Variants in HSPA4L observed in about 807,000 individuals in gnomAD.
The protein encoded by HSPA4L is heat shock protein family A (Hsp70) member 4 like, also known as heat shock 70 kDa protein 4L.
HSPA4L carries 48 observed loss-of-function variants against 100.3 expected under a neutral mutation model. The observed-to-expected ratio is 0.48, with a 90% CI of 0.38 to 0.61. The LOEUF is 0.61. Among genes scored for constraint, HSPA4L ranks in the 20% least tolerant of loss-of-function variants. The pLI, the probability that HSPA4L is intolerant of heterozygous loss-of-function variation, is 0.00. For missense variants in HSPA4L, 886 were observed against 988.6 expected, an observed-to-expected ratio of 0.90 and a Z score of 1.39; for synonymous variants, 319 against 328.2, an observed-to-expected ratio of 0.97 and a Z score of 0.30.
intron 1 of HSPA4L, among the ~76,000 whole-genome samples, chr4:127,782,978 T>C (rs1038007138): frequency 4.6e-5 from 7 of 152,186 alleles, no homozygotes; most frequent in African/African-American, 1.7e-4. Context: ...GAGGTTGCTG[T>C]GGGACAGCCC....
In HSPA4L at chr4:127,783,451, A is replaced by C. The variant is rs944853496; in HGVS notation, c.107+794A>C. The C allele has an allele frequency of 2.2e-6, 3 of 1,369,652 alleles. No homozygotes were observed. In the African/African-American group the frequency reaches 4.4e-5, roughly 20 times the overall value. 84.8% of individuals were successfully genotyped at this position (1,369,652 alleles called of 1,614,324 possible). On this transcript the variant is annotated intron_variant, in intron 1 of 18. Coordinates refer to ENST00000296464, the MANE Select transcript of HSPA4L (RefSeq NM_014278.4). ...CTGTCCCGTATAAACATGACTGTGG[A>C]GTGATTCTATTATGAACGCTTAATG...
rs1433708988 is a variant in HSPA4L at position 127,795,750 on chromosome 4, A to G, written c.166-18A>G. On this transcript the variant is annotated intron_variant, in intron 2 of 18. Coordinates refer to ENST00000296464, the MANE Select transcript of HSPA4L (RefSeq NM_014278.4). ...ATTTATTAGGTAACTGATAAATACA[A>G]GTGTTTACTGCCAACAGATAGTCAC... 22 of 1,612,040 alleles carry G rather than the reference A, an allele frequency of 1.4e-5. No individual in the cohort carries two copies. Among genetic ancestry groups the G allele is most frequent in the Non-Finnish European group, 1.8e-5 (21 of 1,178,732 alleles).
rs760336391 is a variant in HSPA4L at position 127,801,847 on chromosome 4, G to C, written c.592G>C (p.Val198Leu). Residue 198 changes from valine to leucine, a missense_variant, in exon 6 of 19, where the codon GTA becomes CTA. By Grantham distance (32) the Val-to-Leu change is conservative (BLOSUM62 1). Transcript: ENST00000296464. Reference sequence around the variant, plus strand: ...CCCATTAGATGAGAAACCAAGAAATGTAGTATTTATTGATATGGGACATTC... The same window carrying C: ...CCCATTAGATGAGAAACCAAGAAATCTAGTATTTATTGATATGGGACATTC... ...LPPLDEKPRNVVFIDMGHSAY... is the reference protein window; with the variant it reads ...LPPLDEKPRNLVFIDMGHSAY... The C allele has an allele frequency of 6.2e-7, 1 of 1,609,534 alleles. No homozygotes were observed. Among genetic ancestry groups the C allele is most frequent in the South Asian group, 1.1e-5 (1 of 90,576 alleles).
At chr4:127,788,264 G>A (rs1732773246) in intron 1 of HSPA4L, among the ~76,000 whole-genome samples, 1 of 151,972 alleles carries the variant, frequency 6.6e-6, no homozygotes, top group Admixed American at 6.5e-5. Context: ...AATTATTATT[G>A]TTTATATATT....
At chr4:127,826,143 ACACCTGTAATGTTGG>A (rs2148799088) in intron 16 of HSPA4L, among the ~76,000 whole-genome samples, 1 of 152,202 alleles carries the variant, frequency 6.6e-6, no homozygotes, top group Admixed American at 6.5e-5. Context: ...GCAGTGAATC[ACACCTGTAATGTTGG>A]CACTTTGAGT....
At chr4:127,801,643 C>G in intron 5 of HSPA4L, 142 bp from the exon 6 acceptor site, 1 of 610,730 alleles carries the variant, frequency 1.6e-6, no homozygotes, top group Non-Finnish European at 2.6e-6. Context: ...CATTATTAAC[C>G]GAATTGTGAA....
rs1733334559 is a variant in HSPA4L, at chr4:127,805,689, T to G, written c.1140T>G (p.Cys380Trp). The change falls in exon 10 of 19, where the codon TGT (cysteine) becomes TGG (tryptophan). Residue 380 changes from cysteine (C) to tryptophan (W), a missense_variant and splice_region_variant. Cys to Trp is a radical substitution (Grantham distance 215, BLOSUM62 -2). Coordinates refer to ENST00000296464, the MANE Select transcript of HSPA4L (RefSeq NM_014278.4). The stretch of plus-strand genomic sequence containing the variant: ...TATGGTATACATCTTATTTTCAGTG[T>G]GCGATTCTCTCACCAGCATTTAAAG... Reference protein sequence around the residue: ...EAVARGCALQCAILSPAFKVR... With the variant: ...EAVARGCALQWAILSPAFKVR... The G allele has an allele frequency of 6.2e-7, 1 of 1,607,284 alleles. No individual in the cohort carries two copies. Among genetic ancestry groups the G allele is most frequent in the South Asian group, 1.1e-5 (1 of 90,714 alleles).
At chr4:127,823,735 A>G in intron 16 of HSPA4L, 111 bp downstream of exon 16, 1 of 635,820 alleles carries the variant, frequency 1.6e-6, no homozygotes, top group Non-Finnish European at 2.7e-6. Context: ...ATTGAGAGGA[A>G]AATTGTATAT....
At chr4:127,832,463 ATTGT>A (rs977544725) in intron 18 of HSPA4L, among the ~76,000 whole-genome samples, 10 of 152,222 alleles carry the variant, frequency 6.6e-5, no homozygotes, top group African/African-American at 2.4e-4. Context: ...ACAAAAAATA[ATTGT>A]TTAAGATTCA....
rs769753070 is a variant in HSPA4L at position 127,812,408 on chromosome 4, C to CAAA, written c.1578+782_1578+784dup. 6.4e-5 allele frequency among the ~76,000 whole-genome samples: 4 copies of CAAA among 62,856 alleles called. No individual in the cohort carries two copies. In the East Asian group the frequency reaches 1.3e-3, roughly 20 times the overall value. 41.2% of individuals were successfully genotyped at this position (62,856 alleles called of 152,430 possible). On this transcript the variant is annotated intron_variant, in intron 12 of 18. Coordinates refer to ENST00000296464, the MANE Select transcript of HSPA4L (RefSeq NM_014278.4). The stretch of plus-strand genomic sequence containing the variant: ...TGGGTGATAGAGCGAGACTCCATCT[C>CAAA]AAAAAAAAAAAACAAAAAAAAAAAC...
Position 127,795,925 on chromosome 4 carries a change from C to T in HSPA4L, c.306+17C>T, listed in dbSNP as rs1474220725. 2.5e-6 allele frequency: 4 copies of T among 1,610,442 alleles called. No homozygotes were observed. Among genetic ancestry groups the T allele is most frequent in the South Asian group, 1.1e-5 (1 of 90,680 alleles). Reference sequence around the variant, plus strand: ...GGAGTTAAGGTAAGCTTTATATTCCCAGGGTTACAAACATATCTTCAAATT... The same window carrying T: ...GGAGTTAAGGTAAGCTTTATATTCCTAGGGTTACAAACATATCTTCAAATT... On this transcript the variant is annotated intron_variant, in intron 3 of 18. Coordinates refer to ENST00000296464, the MANE Select transcript of HSPA4L (RefSeq NM_014278.4).
At chr4:127,825,118 C>A (rs1469150719) in intron 16 of HSPA4L, among the ~76,000 whole-genome samples, 8 of 148,678 alleles carry the variant, frequency 5.4e-5, no homozygotes, top group Non-Finnish European at 1.2e-4. Flanking sequence ...CCAGCCTGGG[C>A]GACAGAATGA....
At chr4:127,797,255 T>C (rs930674991) in intron 3 of HSPA4L, among the ~76,000 whole-genome samples, 2 of 152,216 alleles carry the variant, frequency 1.3e-5, no homozygotes, top group Admixed American at 6.5e-5. Flanking sequence ...CTTTTAGATA[T>C]GATAAGCTCT....
At chr4:127,824,007 A>G (rs1733882066) in intron 16 of HSPA4L, among the ~76,000 whole-genome samples, 1 of 152,312 alleles carries the variant, frequency 6.6e-6, no homozygotes, top group Non-Finnish European at 1.5e-5. Context: ...GTAGCTCTCC[A>G]TCATACCATC....
chr4:127,787,464 A>G (rs137995681), intron 1 of HSPA4L, among the ~76,000 whole-genome samples: 104 of 152,314 alleles, frequency 6.8e-4, no homozygotes, highest in African/African-American at 2.2e-3. Flanking sequence ...TCCCAACCAC[A>G]TCCTAAAGTT....
intron 12 of HSPA4L, chr4:127,813,444 G>T: frequency 2.7e-6 from 1 of 366,082 alleles, no homozygotes; most frequent in Non-Finnish European, 4.9e-6. Flanking sequence ...TTTGAATTGA[G>T]GAAGAGGAAA....
At chr4:127,807,002 T>C (rs1362453256) in intron 10 of HSPA4L, among the ~76,000 whole-genome samples, 1 of 151,978 alleles carries the variant, frequency 6.6e-6, no homozygotes, top group Non-Finnish European at 1.5e-5. Context: ...TCTATAAAAT[T>C]TAATTTCAGT....
intron 4 of HSPA4L, among the ~76,000 whole-genome samples, chr4:127,800,664 C>T (rs927698922): frequency 6.6e-6 from 1 of 151,840 alleles, no homozygotes; most frequent in Non-Finnish European, 1.5e-5. Context: ...TATATACGCA[C>T]GATAATGAAG....
chr4:127,827,274 T>C, intron 16 of HSPA4L, 31 bp from the exon 17 acceptor site: 1 of 1,589,782 alleles, frequency 6.3e-7, no homozygotes, highest in Non-Finnish European at 8.5e-7. Flanking sequence ...CTCAAAAATT[T>C]TTCTTCTTTA....
Sources: allele counts gnomAD v4.1 joint callset (sites outside exome capture counted in the v4.1 genomes callset), GRCh38; gene constraint gnomAD v4.1.1; transcripts MANE v1.5; gene names NCBI Gene and HGNC (gene_info 2026-07-23, HGNC 2026-07-21).